The following INSL6 variants were observed in gnomAD, a reference collection of about 807,000 sequenced individuals.
INSL6 encodes insulin-like peptide INSL6.
Under a neutral mutation model 9.4 loss-of-function variants are expected in INSL6, and 16 were observed. The observed-to-expected ratio is 1.70, with a 90% CI of 1.15 to 2.59. The LOEUF (loss-of-function observed/expected upper bound fraction) is 2.59. INSL6 is among the 30% of genes most tolerant of loss of function. INSL6 has a pLI of 0.00. For synonymous variants in INSL6, 154 were observed against 96.9 expected, an observed-to-expected ratio of 1.59 and a Z score of -3.46; for missense variants, 391 against 257.3, an observed-to-expected ratio of 1.52 and a Z score of -3.56.
chr9:5,041,692 G>T, the INSL6 span: 151,686 of 506,312 alleles, frequency 0.3, 23,977 homozygotes, highest in African/African-American at 0.47. Flanking sequence ...GACCGAAGCG[G>T]CTTCGTGTTC....
the INSL6 span, chr9:5,072,609 C>A: frequency 1.6e-5 from 25 of 1,605,950 alleles, no homozygotes; most frequent in African/African-American, 2.8e-4. Flanking sequence ...GGATAAAGCA[C>A]ACAGAAACTA....
the INSL6 span, among the ~76,000 whole-genome samples, chr9:5,087,813 G>A: frequency 6.6e-6 from 1 of 152,192 alleles, no homozygotes; most frequent in African/African-American, 2.4e-5. Flanking sequence ...ATCCTTAATA[G>A]AGATGTACAC....
chr9:5,118,948 C>G (rs544824422), downstream of INSL6, among the ~76,000 whole-genome samples: 32 of 152,234 alleles, frequency 2.1e-4, no homozygotes, highest in Admixed American at 2.0e-3. Context: ...TACCAAAAAG[C>G]TTTTAAAATT....
At chr9:5,160,942 A>G (rs1824913573), downstream of INSL6, among the ~76,000 whole-genome samples, 1 of 152,294 alleles carries the variant, frequency 6.6e-6, no homozygotes, top group Non-Finnish European at 1.5e-5. Context: ...GATTGAAGCT[A>G]TAATAAAAAC....
chr9:5,168,830 G>C (rs570511327), intron 1 of INSL6, among the ~76,000 whole-genome samples: 4 of 151,956 alleles, frequency 2.6e-5, no homozygotes, highest in Admixed American at 6.6e-5. Context: ...CCAGAGAAAG[G>C]TCGAGTCACC....
chr9:5,163,458 T>C (rs1283896479), downstream of INSL6, among the ~76,000 whole-genome samples: 1 of 152,176 alleles, frequency 6.6e-6, no homozygotes, highest in Admixed American at 6.5e-5. Flanking sequence ...TAACTACTAT[T>C]ACAGCACAAG....
chr9:5,050,046 C>T, the INSL6 span, among the ~76,000 whole-genome samples: 1 of 152,148 alleles, frequency 6.6e-6, no homozygotes, highest in African/African-American at 2.4e-5. Flanking sequence ...TATCCAACAC[C>T]ACTTGTAGTA....
the INSL6 span, among the ~76,000 whole-genome samples, chr9:5,033,023 A>G: frequency 3.3e-5 from 5 of 152,240 alleles, no homozygotes; most frequent in Non-Finnish European, 7.3e-5. Flanking sequence ...ATGGCTAACT[A>G]GAATAACCAA....
chr9:5,121,194 T>C (rs1014738000), downstream of INSL6, among the ~76,000 whole-genome samples: 3 of 152,086 alleles, frequency 2.0e-5, no homozygotes, highest in African/African-American at 7.2e-5. Context: ...GGAAAACAAT[T>C]TTATGATTGA....
At chr9:5,098,236 T>A in the INSL6 span, 3 of 152,102 alleles carry the variant, frequency 2.0e-5, no homozygotes, top group African/African-American at 7.2e-5. Flanking sequence ...CAGAAACTGG[T>A]TTCAAGCCAA....
chr9:5,122,433 T>C (rs1823689312), downstream of INSL6, among the ~76,000 whole-genome samples: 1 of 152,090 alleles, frequency 6.6e-6, no homozygotes, highest in South Asian at 2.1e-4. Flanking sequence ...CTCCAGCATA[T>C]TTATATGGAT....
intron 1 of INSL6, among the ~76,000 whole-genome samples, chr9:5,182,652 A>T (rs1586882624): frequency 6.6e-6 from 1 of 152,132 alleles, no homozygotes; most frequent in East Asian, 1.9e-4. Context: ...TAAAGAAACA[A>T]AAAAAACAAG....
At chr9:5,095,087 G>A in the INSL6 span, 17 of 152,088 alleles carry the variant, frequency 1.1e-4, no homozygotes, top group Non-Finnish European at 2.4e-4. Flanking sequence ...TCTTATTTCT[G>A]GAACTATAGG....
At chr9:5,026,133 G>A in the INSL6 span, among the ~76,000 whole-genome samples, 1 of 151,734 alleles carries the variant, frequency 6.6e-6, no homozygotes, top group Admixed American at 6.6e-5. Context: ...TTACTCTATT[G>A]TCTTCTACTA....
the INSL6 span, among the ~76,000 whole-genome samples, chr9:5,053,152 C>T: frequency 5.1e-4 from 78 of 152,118 alleles, 2 homozygotes; most frequent in Admixed American, 2.0e-3. Context: ...TTGTTTCTGT[C>T]TGTATTTTAT....
intron 1 of INSL6, among the ~76,000 whole-genome samples, chr9:5,173,432 AAAAG>A (rs1202556044): frequency 2.0e-5 from 3 of 152,254 alleles, no homozygotes; most frequent in Non-Finnish European, 2.9e-5. Context: ...TGTAGCCATA[AAAAG>A]GAATGAGATC....
the INSL6 span, among the ~76,000 whole-genome samples, chr9:5,005,983 T>C: frequency 1.3e-5 from 2 of 152,198 alleles, no homozygotes; most frequent in African/African-American, 4.8e-5. Flanking sequence ...GCAGGCTCTT[T>C]TTTGGTTCCA....
chr9:5,157,595 A>G (rs1002208509), intron 2 of INSL6, among the ~76,000 whole-genome samples: 2 of 152,218 alleles, frequency 1.3e-5, no homozygotes, highest in African/African-American at 2.4e-5. Context: ...CAGACCTAAT[A>G]TAAATGCTAA....
At chr9:5,072,379 G>A in the INSL6 span, 267 of 692,588 alleles carry the variant, frequency 3.9e-4, 1 homozygote, top group African/African-American at 4.5e-3. Context: ...AGATTCTAAG[G>A]AAAATACTTG....
Sources: allele counts gnomAD v4.1 joint callset (sites outside exome capture counted in the v4.1 genomes callset), GRCh38; gene constraint gnomAD v4.1.1; transcripts MANE v1.5; gene names NCBI Gene and HGNC (gene_info 2026-07-23, HGNC 2026-07-21).